The following RBBP8 variants were observed in gnomAD, a reference collection of about 807,000 sequenced individuals.
RBBP8 encodes the protein RB binding protein 8, endonuclease, also known as DNA endonuclease RBBP8.
RBBP8 carries 88 observed loss-of-function variants against 108.3 expected under a neutral mutation model. The observed-to-expected ratio is 0.81, with a 90% CI of 0.68 to 0.97. The LOEUF (loss-of-function observed/expected upper bound fraction) is 0.97, where lower values mean the gene tolerates loss of function less well. Among genes scored for constraint, RBBP8 ranks in the 50% least tolerant of loss-of-function variants. RBBP8 has a pLI of 0.00. For missense variants in RBBP8, 1,023 were observed against 1,049.0 expected (o/e 0.98, Z 0.34); for synonymous variants, 332 against 348.2 (o/e 0.95, Z 0.52).
At chr18:22,947,244 G>T (rs1252808480) in intron 3 of RBBP8, among the ~76,000 whole-genome samples, 1 of 151,950 alleles carries the variant, frequency 6.6e-6, no homozygotes, top group African/African-American at 2.4e-5. Context: ...TTTTCCAGTT[G>T]TGCAGCACTG....
intron 16 of RBBP8, among the ~76,000 whole-genome samples, chr18:23,012,111 G>C (rs1237139628): frequency 2.0e-5 from 3 of 151,380 alleles, no homozygotes; most frequent in African/African-American, 4.9e-5. Context: ...GCGGGAGGCT[G>C]AGGTGGGAGG....
upstream of RBBP8, among the ~76,000 whole-genome samples, chr18:22,932,457 C>T (rs1910097897): frequency 6.6e-6 from 1 of 152,154 alleles, no homozygotes; most frequent in Non-Finnish European, 1.5e-5. Context: ...CTTCTGTATA[C>T]TAACTTTTTA....
chr18:22,917,053 A>G (rs1909390608), intron 3 of RBBP8: 1 of 152,208 alleles, frequency 6.6e-6, no homozygotes, highest in African/African-American at 2.4e-5. Flanking sequence ...AGTGCTCAAA[A>G]AAGTTTTAAA....
chr18:22,991,877 T>A (rs984581185), intron 10 of RBBP8, among the ~76,000 whole-genome samples: 2 of 152,220 alleles, frequency 1.3e-5, no homozygotes, highest in Admixed American at 6.5e-5. Context: ...TCTATCTATA[T>A]ATGTATATCA....
At chr18:22,928,866 C>T (rs1909892317), upstream of RBBP8, among the ~76,000 whole-genome samples, 1 of 152,062 alleles carries the variant, frequency 6.6e-6, no homozygotes, top group Non-Finnish European at 1.5e-5. Context: ...AACAGGGTTT[C>T]ACCATGTTGG....
intron 4 of RBBP8, among the ~76,000 whole-genome samples, chr18:22,964,325 G>T (rs1913370813): frequency 6.7e-6 from 1 of 150,320 alleles, no homozygotes; most frequent in Admixed American, 6.6e-5. Flanking sequence ...CCATAATGAT[G>T]AGTTCTTTTG....
intron 2 of RBBP8, among the ~76,000 whole-genome samples, chr18:22,915,709 T>C (rs1421039933): frequency 6.6e-6 from 1 of 152,118 alleles, no homozygotes; most frequent in African/African-American, 2.4e-5. Context: ...TTCTGGTGAA[T>C]ATATTGCATA....
chr18:22,929,841 G>C (rs1207172940), upstream of RBBP8, among the ~76,000 whole-genome samples: 2 of 152,144 alleles, frequency 1.3e-5, no homozygotes, highest in Non-Finnish European at 2.9e-5. Context: ...GAGGCTTGAG[G>C]ACTGAAAATA....
intron 3 of RBBP8, among the ~76,000 whole-genome samples, chr18:22,947,233 A>T (rs1221440098): frequency 1.3e-5 from 2 of 152,048 alleles, no homozygotes; most frequent in African/African-American, 4.8e-5. Context: ...GACAAAAAAA[A>T]TTTTCCAGTT....
chr18:22,929,326 G>A (rs1909905570), upstream of RBBP8: 1 of 152,024 alleles, frequency 6.6e-6, no homozygotes, highest in African/African-American at 2.4e-5. Flanking sequence ...ACTGCTGTTG[G>A]AGAATATACT....
At chr18:22,917,473 A>C (rs1350592155) in intron 3 of RBBP8, among the ~76,000 whole-genome samples, 3 of 152,238 alleles carry the variant, frequency 2.0e-5, no homozygotes. Context: ...GAATTAAATG[A>C]GATATCATGT....
intron 8 of RBBP8, among the ~76,000 whole-genome samples, chr18:22,988,374 T>A (rs1397401379): frequency 1.3e-5 from 2 of 152,232 alleles, no homozygotes; most frequent in Non-Finnish European, 2.9e-5. Flanking sequence ...TCCCATCTTC[T>A]GTAGTTTGAC....
At chr18:22,951,558 A>C (rs1912043676) in intron 4 of RBBP8, among the ~76,000 whole-genome samples, 1 of 152,196 alleles carries the variant, frequency 6.6e-6, no homozygotes, top group Non-Finnish European at 1.5e-5. Flanking sequence ...CCAACAAGCA[A>C]ACAATTAATT....
intron 3 of RBBP8, among the ~76,000 whole-genome samples, chr18:22,947,365 C>G (rs1434560087): frequency 1.3e-5 from 2 of 151,760 alleles, no homozygotes; most frequent in Non-Finnish European, 2.9e-5. Context: ...CTATAGATCC[C>G]CCCACCCCAG....
chr18:23,014,440 C>A (rs1273371852), intron 16 of RBBP8, among the ~76,000 whole-genome samples: 2 of 152,156 alleles, frequency 1.3e-5, no homozygotes, highest in Admixed American at 1.3e-4. Context: ...TCAAGACCAA[C>A]CTGGGCAACA....
At chr18:22,926,086 T>C (rs1909782067) in intron 3 of RBBP8, among the ~76,000 whole-genome samples, 1 of 152,218 alleles carries the variant, frequency 6.6e-6, no homozygotes, top group African/African-American at 2.4e-5. Context: ...CACTGCATTA[T>C]AAATAGATGA....
intron 12 of RBBP8, among the ~76,000 whole-genome samples, chr18:22,995,088 A>G (rs1366461920): frequency 1.3e-5 from 2 of 152,072 alleles, no homozygotes; most frequent in Non-Finnish European, 2.9e-5. Flanking sequence ...GTTCAAGTGC[A>G]GTATTTTTTC....
intron 17 of RBBP8, among the ~76,000 whole-genome samples, chr18:23,020,658 C>T (rs2046333836): frequency 6.6e-6 from 1 of 151,592 alleles, no homozygotes; most frequent in Non-Finnish European, 1.5e-5. Flanking sequence ...CCTTCATTGT[C>T]TTCCCATCCC....
chr18:22,951,292 G>C (rs765139629), intron 4 of RBBP8, among the ~76,000 whole-genome samples: 3 of 152,140 alleles, frequency 2.0e-5, no homozygotes, highest in Admixed American at 6.5e-5. Flanking sequence ...AGTTGAATAA[G>C]ACTTACATAT....
Sources: allele counts gnomAD v4.1 joint callset (sites outside exome capture counted in the v4.1 genomes callset), GRCh38; gene constraint gnomAD v4.1.1; transcripts MANE v1.5; gene names NCBI Gene and HGNC (gene_info 2026-07-23, HGNC 2026-07-21).